ZFYVE28: variants seen among roughly 807,000 people sequenced by gnomAD.
ZFYVE28 encodes the protein lateral signaling target protein 2 homolog.
ZFYVE28 carries 40 observed loss-of-function variants against 82.1 expected under a neutral mutation model. The observed-to-expected ratio is 0.49, with a 90% CI of 0.38 to 0.63. The LOEUF is 0.63. ZFYVE28 is among the 30% of genes least tolerant of loss of function. The pLI is 0.00. For missense variants in ZFYVE28, 1,321 were observed against 1,242.1 expected, an observed-to-expected ratio of 1.06 and a Z score of -0.96; for synonymous variants, 612 against 546.1, an observed-to-expected ratio of 1.12 and a Z score of -1.68.
Position 2,270,662 on chromosome 4 carries a change from G to A in ZFYVE28, c.*63C>T. 6.2e-7 allele frequency: 1 copy of A among 1,605,830 alleles called. No homozygotes were observed. The highest frequency in any genetic ancestry group is 8.5e-7 in the Non-Finnish European group (1 of 1,176,254). ...TGAGACGCAGTGAGACCTGCCTGCA[G>A]CGTGGCCCCACCTTCCTGGGGGTTC... is the stretch of plus-strand genomic sequence containing the variant. On this transcript the variant is annotated 3_prime_UTR_variant, in exon 13 of 13. Coordinates refer to ENST00000290974, the MANE Select transcript of ZFYVE28 (RefSeq NM_020972.3).
chr4:2,342,965 G>A (rs6599427), intron 2 of ZFYVE28: 63,758 of 152,026 alleles, frequency 0.42, 14,115 homozygotes, highest in African/African-American at 0.54. Flanking sequence ...ATCCATGTAC[G>A]TAATACTGCC....
At chr4:2,382,039 C>T (rs2108915142) in intron 1 of ZFYVE28, among the ~76,000 whole-genome samples, 1 of 152,370 alleles carries the variant, frequency 6.6e-6, no homozygotes, top group East Asian at 1.9e-4. Flanking sequence ...CAAGCCTTGG[C>T]AGCTTCCACA....
At chr4:2,337,240 T>C (rs1387029643) in intron 5 of ZFYVE28, among the ~76,000 whole-genome samples, 167 bp downstream of exon 5, 2 of 151,944 alleles carry the variant, frequency 1.3e-5, no homozygotes, top group Admixed American at 6.5e-5. Flanking sequence ...TCTGCCCACC[T>C]GTGAGGAGAA....
intron 7 of ZFYVE28, among the ~76,000 whole-genome samples, chr4:2,308,647 AAGAAAG>A (rs1410460852): frequency 7.8e-6 from 1 of 127,642 alleles, no homozygotes; most frequent in Non-Finnish European, 1.6e-5. Context: ...GAAAGAAAGA[AAGAAAG>A]AAAGAAAGAA....
chr4:2,327,170 A>G (rs548845313), intron 6 of ZFYVE28, among the ~76,000 whole-genome samples: 2 of 149,940 alleles, frequency 1.3e-5, no homozygotes, highest in African/African-American at 4.9e-5. Context: ...GAATCGCTTG[A>G]ACCCAGTAGG....
At chr4:2,297,600 G>C (rs976457709) in intron 8 of ZFYVE28, among the ~76,000 whole-genome samples, 1 of 152,254 alleles carries the variant, frequency 6.6e-6, no homozygotes, top group African/African-American at 2.4e-5. Flanking sequence ...GAAATCCAGA[G>C]GCAAAGCCAA....
intron 8 of ZFYVE28, among the ~76,000 whole-genome samples, chr4:2,299,763 G>A (rs1277555848): frequency 1.3e-5 from 2 of 149,836 alleles, no homozygotes; most frequent in South Asian, 2.1e-4. Flanking sequence ...AAATAAAACT[G>A]TTCATAAGAT....
intron 1 of ZFYVE28, among the ~76,000 whole-genome samples, chr4:2,364,231 C>G (rs1156676688): frequency 3.3e-5 from 5 of 152,196 alleles, no homozygotes; most frequent in Admixed American, 2.0e-4. Flanking sequence ...TCTGCCCACC[C>G]GGCCTGGCTG....
intron 1 of ZFYVE28, among the ~76,000 whole-genome samples, chr4:2,376,100 C>G (rs1409767743): frequency 3.9e-5 from 6 of 151,918 alleles, no homozygotes; most frequent in African/African-American, 1.5e-4. Flanking sequence ...GTCTCAATCT[C>G]TTGACTTCGT....
chr4:2,325,106 C>T (rs553463953), intron 6 of ZFYVE28: 2 of 152,348 alleles, frequency 1.3e-5, no homozygotes, highest in African/African-American at 2.4e-5. Context: ...TCTCACGTTT[C>T]ATGGTTTCCT....
At chr4:2,333,933 C>T (rs1375943416) in intron 6 of ZFYVE28, among the ~76,000 whole-genome samples, 2 of 152,178 alleles carry the variant, frequency 1.3e-5, no homozygotes, top group Non-Finnish European at 2.9e-5. Context: ...AATCCTGTGG[C>T]CCATGGGAAG....
intron 2 of ZFYVE28, among the ~76,000 whole-genome samples, chr4:2,353,069 T>A (rs1724711787): frequency 6.6e-6 from 1 of 152,174 alleles, no homozygotes; most frequent in African/African-American, 2.4e-5. Context: ...TGGGAACATC[T>A]GAACACATGG....
intron 1 of ZFYVE28, among the ~76,000 whole-genome samples, chr4:2,378,367 T>C (rs1728385081): frequency 6.6e-6 from 1 of 152,166 alleles, no homozygotes; most frequent in Admixed American, 6.5e-5. Context: ...ATCGTTATCA[T>C]AACTTATGGG....
At chr4:2,334,443 C>T (rs530144670) in intron 6 of ZFYVE28, among the ~76,000 whole-genome samples, 2 of 152,160 alleles carry the variant, frequency 1.3e-5, no homozygotes, top group African/African-American at 4.8e-5. Flanking sequence ...GCCCACTGCA[C>T]TGCCACCGCC....
chr4:2,315,731 ATTTCACTAT>A (rs1243685480), intron 7 of ZFYVE28, among the ~76,000 whole-genome samples: 2 of 151,988 alleles, frequency 1.3e-5, no homozygotes, highest in African/African-American at 4.8e-5. Flanking sequence ...GTTTTTGGCA[ATTTCACTAT>A]GATATACCCA....
chr4:2,360,272 A>C (rs932988358), intron 1 of ZFYVE28, among the ~76,000 whole-genome samples: 4 of 152,016 alleles, frequency 2.6e-5, no homozygotes, highest in Admixed American at 6.6e-5. Flanking sequence ...CACACTGCTG[A>C]CTTGGCATCA....
chr4:2,414,954 T>C (rs775410940), intron 1 of ZFYVE28, among the ~76,000 whole-genome samples: 4 of 152,188 alleles, frequency 2.6e-5, no homozygotes, highest in Non-Finnish European at 5.9e-5. Flanking sequence ...CCAACATCAA[T>C]AAAGCAGGAC....
chr4:2,401,291 A>T (rs1258323972), intron 1 of ZFYVE28, among the ~76,000 whole-genome samples: 1 of 152,284 alleles, frequency 6.6e-6, no homozygotes, highest in African/African-American at 2.4e-5. Context: ...GTGCCGATTC[A>T]TCCTGTGCAG....
At chr4:2,315,963 A>G (rs1419391719) in intron 7 of ZFYVE28, among the ~76,000 whole-genome samples, 1 of 150,334 alleles carries the variant, frequency 6.7e-6, no homozygotes, top group Non-Finnish European at 1.5e-5. Context: ...CTGGTTTTCT[A>G]TTGTTGTTTC....
Sources: allele counts gnomAD v4.1 joint callset (sites outside exome capture counted in the v4.1 genomes callset), GRCh38; gene constraint gnomAD v4.1.1; transcripts MANE v1.5; gene names NCBI Gene and HGNC (gene_info 2026-07-23, HGNC 2026-07-21).